Variants in NAALADL2 observed in about 807,000 individuals in gnomAD.
NAALADL2 encodes the protein N-acetylated alpha-linked acidic dipeptidase like 2, also known as inactive N-acetylated-alpha-linked acidic dipeptidase-like protein 2.
NAALADL2 carries 76 observed loss-of-function variants against 87.2 expected under a neutral mutation model. That is an observed-to-expected ratio of 0.87 (90% CI 0.72 to 1.05). NAALADL2 has a LOEUF of 1.05. NAALADL2 is among the 50% of genes least tolerant of loss of function. The pLI, the probability that NAALADL2 is intolerant of heterozygous loss-of-function variation, is 0.00. For missense variants in NAALADL2, 1,089 were observed against 945.8 expected (o/e 1.15, Z -1.99); for synonymous variants, 354 against 331.0 (o/e 1.07, Z -0.75).
At chr3:174,797,828 AT>A (rs1359377046) in intron 3 of NAALADL2, among the ~76,000 whole-genome samples, 3 of 151,766 alleles carry the variant, frequency 2.0e-5, no homozygotes, top group Non-Finnish European at 4.4e-5. Flanking sequence ...TTATGTTTTC[AT>A]TTTTTTCATG....
chr3:174,902,686 TACTG>T (rs1158395271), intron 1 of NAALADL2, among the ~76,000 whole-genome samples: 2 of 152,156 alleles, frequency 1.3e-5, no homozygotes, highest in East Asian at 1.9e-4. Context: ...TGAAACTTGT[TACTG>T]AATAATAACA....
In NAALADL2 at chr3:174,606,384, C is replaced by A. The variant is rs1719065163; in HGVS notation, c.-115+55747C>A. On this transcript the variant is annotated intron_variant, in intron 2 of 3. Transcript: ENST00000434257. The stretch of plus-strand genomic sequence containing the variant: ...ATCAAACTACTCTGAGCTACAGGAG[C>A]AAATTCAAACCAAAGGCAAAGAAGT... Among the ~76,000 whole-genome samples, 8 of 152,128 alleles carry A rather than the reference C, an allele frequency of 5.3e-5. No homozygotes were observed. In the South Asian group the frequency reaches 1.7e-3, roughly 32 times the overall value.
chr3:175,753,036 C>T (rs1280698341), intron 12 of NAALADL2, among the ~76,000 whole-genome samples: 1 of 152,094 alleles, frequency 6.6e-6, no homozygotes, highest in East Asian at 1.9e-4. Flanking sequence ...TATTCAGGAG[C>T]TAGATTTTCT....
chr3:175,354,547 A>G (rs1411256342), intron 5 of NAALADL2, among the ~76,000 whole-genome samples: 1 of 152,186 alleles, frequency 6.6e-6, no homozygotes, highest in Non-Finnish European at 1.5e-5. Flanking sequence ...TATCACATAT[A>G]CATTTTTTCC....
At chr3:174,910,003 A>T (rs1733488461) in intron 1 of NAALADL2, among the ~76,000 whole-genome samples, 1 of 152,138 alleles carries the variant, frequency 6.6e-6, no homozygotes, top group South Asian at 2.1e-4. Flanking sequence ...ATTATAAAGA[A>T]TCACATATGC....
intron 1 of NAALADL2, among the ~76,000 whole-genome samples, chr3:174,999,214 T>C (rs1166937464): frequency 6.6e-6 from 1 of 152,142 alleles, no homozygotes; most frequent in Non-Finnish European, 1.5e-5. Context: ...ATGTAAAGTA[T>C]TTTTCCCCAG....
intron 1 of NAALADL2, among the ~76,000 whole-genome samples, chr3:174,462,542 T>C (rs1475054520): frequency 6.6e-6 from 1 of 152,168 alleles, no homozygotes; most frequent in African/African-American, 2.4e-5. Flanking sequence ...ATCATAGTTA[T>C]CCCTCTGTAA....
At chr3:174,906,118 A>G (rs1732923651) in intron 1 of NAALADL2, among the ~76,000 whole-genome samples, 1 of 152,088 alleles carries the variant, frequency 6.6e-6, no homozygotes, top group Admixed American at 6.6e-5. Context: ...ACTGTTCAGG[A>G]CATTGTACAT....
chr3:174,900,524 T>G (rs952491541), intron 1 of NAALADL2, among the ~76,000 whole-genome samples: 3 of 151,950 alleles, frequency 2.0e-5, no homozygotes, highest in African/African-American at 7.2e-5. Context: ...ATAAAAATCC[T>G]TAAAATTCTA....
chr3:175,034,207 A>C (rs9875913), intron 1 of NAALADL2, among the ~76,000 whole-genome samples: 1 of 152,134 alleles, frequency 6.6e-6, no homozygotes, highest in Admixed American at 6.5e-5. Context: ...TTGGCTATTG[A>C]AAGGATGACC....
chr3:175,227,622 C>T (rs1367860294), intron 2 of NAALADL2, among the ~76,000 whole-genome samples: 3 of 151,848 alleles, frequency 2.0e-5, no homozygotes, highest in Non-Finnish European at 4.4e-5. Context: ...GAGTGGTTCA[C>T]CATAAATCCT....
intron 5 of NAALADL2, among the ~76,000 whole-genome samples, chr3:175,412,408 A>G (rs1713704007): frequency 6.6e-6 from 1 of 152,190 alleles, no homozygotes; most frequent in South Asian, 2.1e-4. Context: ...TTTTCAGTGT[A>G]TGTTATATGA....
chr3:175,415,184 T>C (rs1461380624), intron 5 of NAALADL2, among the ~76,000 whole-genome samples: 2 of 152,206 alleles, frequency 1.3e-5, no homozygotes, highest in Non-Finnish European at 2.9e-5. Context: ...TATAATTGTG[T>C]TGAAATTTAT....
chr3:174,791,178 A>T (rs1273024736), intron 3 of NAALADL2, among the ~76,000 whole-genome samples: 1 of 152,198 alleles, frequency 6.6e-6, no homozygotes, highest in Non-Finnish European at 1.5e-5. Context: ...TTATGAAATT[A>T]AGTCAGTACC....
intron 5 of NAALADL2, among the ~76,000 whole-genome samples, chr3:175,388,558 T>C (rs1229487074): frequency 1.3e-5 from 2 of 152,134 alleles, no homozygotes; most frequent in Middle Eastern, 3.2e-3. Context: ...ATCTAAAGAT[T>C]GTAAATAACC....
chr3:174,638,736 G>A (rs945504145), intron 2 of NAALADL2, among the ~76,000 whole-genome samples: 1 of 152,134 alleles, frequency 6.6e-6, no homozygotes, highest in Non-Finnish European at 1.5e-5. Flanking sequence ...CAGAAAAATT[G>A]GTGAAGGAAT....
chr3:174,942,541 A>T (rs958411123), intron 1 of NAALADL2, among the ~76,000 whole-genome samples: 3 of 151,922 alleles, frequency 2.0e-5, no homozygotes, highest in Non-Finnish European at 4.4e-5. Flanking sequence ...AGACTCTTGC[A>T]GGAGTTTTCT....
intron 1 of NAALADL2, among the ~76,000 whole-genome samples, chr3:174,449,542 C>G (rs537996591): frequency 1.3e-5 from 2 of 152,076 alleles, no homozygotes; most frequent in Non-Finnish European, 2.9e-5. Context: ...CAGACAATCA[C>G]GATCCAAGAT....
chr3:175,457,685 AT>A (rs763515080), intron 6 of NAALADL2, among the ~76,000 whole-genome samples: 2,538 of 131,416 alleles, frequency 0.019, 49 homozygotes, highest in African/African-American at 0.067. Flanking sequence ...TGTCTGGCTA[AT>A]TTTTTTTTTT....
Sources: gnomAD v4.1 joint callset for allele counts (sites outside exome capture counted in the v4.1 genomes callset) on GRCh38, gnomAD v4.1.1 for gene constraint, MANE v1.5 for transcripts, NCBI Gene and HGNC (gene_info 2026-07-23, HGNC 2026-07-21) for gene names.